Variants in LRP5 observed in about 807,000 individuals in gnomAD.
LRP5 encodes low-density lipoprotein receptor-related protein 5.
LRP5 carries 62 observed loss-of-function variants against 154.1 expected under a neutral mutation model. The ratio of observed to expected loss-of-function variants is 0.40; its 90% CI spans 0.33 to 0.50. The LOEUF (loss-of-function observed/expected upper bound fraction) is 0.50. Among genes scored for constraint, LRP5 ranks in the 20% least tolerant of loss-of-function variants. The probability of loss-of-function intolerance (pLI) is 0.55; values close to 1 mark genes in which losing one functional copy is unlikely to be tolerated. For synonymous variants in LRP5, 966 were observed against 1,011.5 expected (o/e 0.96, Z 0.85); for missense variants, 1,915 against 2,336.7 (o/e 0.82, Z 3.72).
At chr11:68,376,806 G>C (rs532882444) in intron 5 of LRP5, among the ~76,000 whole-genome samples, 47 of 152,342 alleles carry the variant, frequency 3.1e-4, no homozygotes, top group Non-Finnish European at 5.6e-4. Context: ...CTAAAGGGGG[G>C]AGTGTGGCCT....
chr11:68,383,679 G>A (rs1393447478), intron 5 of LRP5, among the ~76,000 whole-genome samples: 1 of 152,242 alleles, frequency 6.6e-6, no homozygotes, highest in Non-Finnish European at 1.5e-5. Context: ...GGGGGCTGTG[G>A]AGAGCAGGGG....
intron 20 of LRP5, 79 bp from the exon 21 acceptor site, chr11:68,439,698 G>A: frequency 1.4e-6 from 2 of 1,473,700 alleles, no homozygotes; most frequent in South Asian, 1.2e-5. Flanking sequence ...AGTGGGAGCA[G>A]AGGAGAGCGC....
intron 21 of LRP5, among the ~76,000 whole-genome samples, chr11:68,443,803 C>T (rs1328495351): frequency 1.3e-5 from 2 of 150,816 alleles, no homozygotes. Flanking sequence ...GGATTATAGG[C>T]ATGCACCACC....
chr11:68,301,685 T>C, the LRP5 span, among the ~76,000 whole-genome samples: 1 of 144,236 alleles, frequency 6.9e-6, no homozygotes, highest in Admixed American at 7.0e-5. Context: ...TGCAGTGGTG[T>C]GATCTCGGCT....
chr11:68,335,818 C>A (rs1189582512), intron 1 of LRP5, among the ~76,000 whole-genome samples: 2 of 152,194 alleles, frequency 1.3e-5, no homozygotes, highest in Admixed American at 1.3e-4. Flanking sequence ...CACTTGCTTA[C>A]ATCTCGACAG....
At chr11:68,412,485 T>A (rs150048812) in intron 11 of LRP5, among the ~76,000 whole-genome samples, 121 of 151,932 alleles carry the variant, frequency 8.0e-4, no homozygotes, top group African/African-American at 2.6e-3. Context: ...TACAAAAAAA[T>A]TTTTTAAAAA....
Position 68,416,239 on chromosome 11 carries a change from G to A in LRP5, c.2828-89G>A, listed in dbSNP as rs314748. On this transcript the variant is annotated intron_variant, in intron 12 of 22. Transcript: ENST00000294304. ...CCTCCAGCGGGGCAGATGCTGAGCC[G>A]CCTGTTGTCGAGTGGCGTGCTATCC... The A allele has an allele frequency of 3.2e-5, 36 of 1,140,078 alleles. No homozygotes were observed. In the African/African-American group the frequency reaches 4.6e-4, roughly 14 times the overall value. The allele number at this position is 1,140,078 out of a possible 1,614,324, so 70.6% of individuals were successfully genotyped here.
chr11:68,423,533 G>T lies in LRP5; in HGVS notation c.3072G>T (p.Arg1024Ser), dbSNP rs760044208. ...TGAGCCAAGGCCAAAACCCAGACAG[G>T]CAGCCCCACGACCTCAGCATCGACA... is the stretch of plus-strand genomic sequence containing the variant. ...TSLSQGQNPD[R>S]QPHDLSIDIY... Residue 1024 changes from arginine (R) to serine (S), a missense_variant, in exon 14 of 23, where the codon AGG (arginine) becomes AGT (serine). Physicochemically the swap from Arg to Ser is moderately radical, Grantham distance 110. This residue lies in a region of LRP5 where 1,094 missense variants were observed against 1,210.1 expected (regional missense o/e 0.90). Coordinates refer to ENST00000294304, the MANE Select transcript of LRP5 (RefSeq NM_002335.4). This position sits in a 1 kb window ranked among gnomAD's most constrained non-coding sequence, Gnocchi z 4.7. 17 of 1,614,086 alleles carry T rather than the reference G, an allele frequency of 1.1e-5. No individual in the cohort carries two copies. The highest frequency in any genetic ancestry group is 1.4e-5 in the Non-Finnish European group (17 of 1,180,042).
chr11:68,447,645 C>T lies in LRP5; in HGVS notation c.4586+1112C>T, dbSNP rs1052016990. Among the ~76,000 whole-genome samples, 24 of 152,290 alleles carry T rather than the reference C, an allele frequency of 1.6e-4. No homozygotes were observed. The highest frequency in any genetic ancestry group is 2.9e-4 in the Non-Finnish European group (20 of 68,020). On this transcript the variant is annotated intron_variant, in intron 22 of 22. Coordinates refer to ENST00000294304, the MANE Select transcript of LRP5 (RefSeq NM_002335.4). This position sits in a 1 kb window ranked among gnomAD's most constrained non-coding sequence, Gnocchi z 4.3. ...TGCCCGTCCTGCTCTGGGCCCACCG[C>T]GGACACATCTTCCCCCCGCCCGCCG... is the stretch of plus-strand genomic sequence containing the variant.
At chr11:68,328,806 T>C (rs1282765031) in intron 1 of LRP5, among the ~76,000 whole-genome samples, 1 of 152,202 alleles carries the variant, frequency 6.6e-6, no homozygotes, top group Non-Finnish European at 1.5e-5. Flanking sequence ...GCCCTTTTCC[T>C]TTTCTGTCTG....
At chr11:68,309,283 A>G (rs2098586212), upstream of LRP5, among the ~76,000 whole-genome samples, 1 of 148,020 alleles carries the variant, frequency 6.8e-6, no homozygotes, top group Non-Finnish European at 1.5e-5. Flanking sequence ...CCCAAGCTGG[A>G]GCATAGTGGC....
chr11:68,416,293 A>G (rs2153169215), intron 12 of LRP5, 35 bp from the exon 13 acceptor site: 2 of 1,594,694 alleles, frequency 1.3e-6, no homozygotes, highest in African/African-American at 1.3e-5. Context: ...TGGCTTACAG[A>G]CACCCACCTG....
intron 1 of LRP5, among the ~76,000 whole-genome samples, chr11:68,347,162 G>A (rs557564674): frequency 3.3e-4 from 50 of 152,336 alleles, no homozygotes; most frequent in African/African-American, 1.2e-3. Flanking sequence ...GTTCTGCATG[G>A]CACTGGCACA....
chr11:68,375,986 T>TGATAGG (rs1467647841), intron 5 of LRP5, among the ~76,000 whole-genome samples: 2 of 152,182 alleles, frequency 1.3e-5, no homozygotes, highest in East Asian at 3.9e-4. Context: ...CTTCTGTCAG[T>TGATAGG]TGGGGCAGTG....
chr11:68,409,110 GCA>G (rs1395526667), intron 9 of LRP5, among the ~76,000 whole-genome samples: 57 of 40,396 alleles, frequency 1.4e-3, no homozygotes, highest in African/African-American at 5.6e-3. Flanking sequence ...ACACATACAC[GCA>G]CACACACATA....
intron 7 of LRP5, among the ~76,000 whole-genome samples, chr11:68,396,378 G>A (rs778436762): frequency 2.6e-5 from 4 of 152,176 alleles, no homozygotes; most frequent in Admixed American, 6.5e-5. Context: ...TCCGTTCCAC[G>A]TGGTGGTGTG....
intron 1 of LRP5, among the ~76,000 whole-genome samples, chr11:68,322,251 A>G (rs2098597174): frequency 1.3e-5 from 2 of 151,610 alleles, no homozygotes; most frequent in South Asian, 4.2e-4. Flanking sequence ...CCTCTCCTCC[A>G]CTCAGACTCC....
intron 2 of LRP5, among the ~76,000 whole-genome samples, chr11:68,349,217 C>T (rs1044080956): frequency 4.6e-5 from 7 of 151,770 alleles, no homozygotes; most frequent in Non-Finnish European, 1.5e-5. Flanking sequence ...AGTTTTGGTA[C>T]AGATGGGGTT....
At chr11:68,401,723 C>G (rs937697098) in intron 7 of LRP5, among the ~76,000 whole-genome samples, 2 of 152,164 alleles carry the variant, frequency 1.3e-5, no homozygotes, top group African/African-American at 4.8e-5. Flanking sequence ...AGATCTCACC[C>G]TGTCACCCAG....
Sources: gnomAD v4.1 joint callset for allele counts (sites outside exome capture counted in the v4.1 genomes callset) on GRCh38, gnomAD v4.1.1 for gene constraint, gnomAD v4.1.1 regional missense constraint, Gnocchi (gnomAD v3.1) non-coding constraint, MANE v1.5 for transcripts, NCBI Gene and HGNC (gene_info 2026-07-23, HGNC 2026-07-21) for gene names.